The following MYOM1 variants were observed in gnomAD, a reference collection of about 807,000 sequenced individuals.
The protein encoded by MYOM1 is myomesin 1, also known as myomesin-1.
MYOM1 carries 164 observed loss-of-function variants against 205.3 expected under a neutral mutation model. The ratio of observed to expected loss-of-function variants is 0.80; its 90% confidence interval spans 0.70 to 0.91. MYOM1 has a LOEUF of 0.91. MYOM1 is among the 40% of genes least tolerant of loss of function. The pLI, the probability that MYOM1 is intolerant of heterozygous loss-of-function variation, is 0.00. For missense variants in MYOM1, 2,011 were observed against 2,127.3 expected (o/e 0.95, Z 1.08); for synonymous variants, 772 against 789.4 (o/e 0.98, Z 0.37).
chr18:3,228,233 G>A, the MYOM1 span, among the ~76,000 whole-genome samples: 488 of 152,334 alleles, frequency 3.2e-3, 3 homozygotes, highest in African/African-American at 0.011. The surrounding 1 kb of genome is among the most constrained non-coding windows in gnomAD (Gnocchi z 4.5). Flanking sequence ...TGACTTTAGA[G>A]CACCTGAATA....
intron 36 of MYOM1, among the ~76,000 whole-genome samples, chr18:3,073,062 C>T (rs2078979739): frequency 6.7e-6 from 1 of 149,882 alleles, no homozygotes; most frequent in South Asian, 2.1e-4. Flanking sequence ...ATCATCCTGC[C>T]TTGGCTTCCC....
At chr18:3,069,215 C>T (rs1312676863) in intron 37 of MYOM1, among the ~76,000 whole-genome samples, 1 of 152,196 alleles carries the variant, frequency 6.6e-6, no homozygotes, top group African/African-American at 2.4e-5. Context: ...TACACCAGCC[C>T]ACCCAGCTAC....
chr18:3,101,158 G>A (rs1017881893), intron 23 of MYOM1, among the ~76,000 whole-genome samples: 1 of 152,126 alleles, frequency 6.6e-6, no homozygotes, highest in Non-Finnish European at 1.5e-5. Context: ...CAGCATGGTG[G>A]CAGAAAAACA....
chr18:3,183,418 T>C (rs762422596), intron 5 of MYOM1, among the ~76,000 whole-genome samples: 8 of 152,088 alleles, frequency 5.3e-5, no homozygotes, highest in Non-Finnish European at 8.8e-5. Flanking sequence ...TAATGTGGGA[T>C]TGGTTGGAGA....
chr18:3,214,833 C>A (rs2081238311), intron 2 of MYOM1, 101 bp downstream of exon 2: 1 of 1,380,370 alleles, frequency 7.2e-7, no homozygotes, highest in South Asian at 1.5e-5. Context: ...TCTCAAAAAA[C>A]CAAAACCGAA....
chr18:3,071,693 C>T (rs1479102958), intron 37 of MYOM1, 141 bp downstream of exon 37: 11 of 807,014 alleles, frequency 1.4e-5, no homozygotes, highest in East Asian at 2.7e-5. Context: ...TGTTTGGTTA[C>T]TCTGGTCAAG....
chr18:3,101,989 A>ATTTT (rs35882298), intron 23 of MYOM1, among the ~76,000 whole-genome samples: 15 of 55,848 alleles, frequency 2.7e-4, no homozygotes, highest in African/African-American at 7.5e-4. Context: ...TCAGTCTGGG[A>ATTTT]TTTTTTTTTT....
chr18:3,077,821 T>C (rs1474450023), intron 34 of MYOM1, among the ~76,000 whole-genome samples: 1 of 152,206 alleles, frequency 6.6e-6, no homozygotes, highest in Non-Finnish European at 1.5e-5. Context: ...GCACTTGTGA[T>C]GCAGGCAAAG....
At chr18:3,121,282 GC>G (rs957099648) in intron 19 of MYOM1, among the ~76,000 whole-genome samples, 1 of 152,110 alleles carries the variant, frequency 6.6e-6, no homozygotes, top group Admixed American at 6.5e-5. Flanking sequence ...AAAATCCTCT[GC>G]CCCCTAAAAT....
chr18:3,100,319 C>T lies in MYOM1; in HGVS notation c.3682+1G>A, dbSNP rs769418179. The T allele has an allele frequency of 3.7e-6, 6 of 1,613,392 alleles. No homozygotes were observed. Among genetic ancestry groups the T allele is most frequent in the Non-Finnish European group, 5.1e-6 (6 of 1,179,490 alleles). ...TGTGAATGCACTGATTTTAAACTTA[C>T]CTTCCTCATCTATTAAGTAGCTTGA... On this transcript the variant is annotated splice_donor_variant, in intron 24 of 37. Coordinates refer to ENST00000356443, the MANE Select transcript of MYOM1 (RefSeq NM_003803.4). LOFTEE classifies it high-confidence loss of function.
intron 34 of MYOM1, among the ~76,000 whole-genome samples, chr18:3,078,057 T>C (rs1254424758): frequency 1.3e-5 from 2 of 152,108 alleles, no homozygotes; most frequent in Non-Finnish European, 2.9e-5. Flanking sequence ...TTTTTTTTTT[T>C]TTGAGACAGA....
chr18:3,188,691 A>C lies in MYOM1; in HGVS notation c.771+57T>G, dbSNP rs1003581527. 317 of 1,329,678 alleles carry C rather than the reference A, an allele frequency of 2.4e-4. 1 individual carries two copies. The African/African-American group carries it at 2.8e-3, about 12-fold the overall frequency. The allele number at this position is 1,329,678 out of a possible 1,614,324, so 82.4% of individuals were successfully genotyped here. ...TACACACACACACACACACACACACACCCCTTATGACATGCATTTCCACCT... is the reference window on the plus strand; with the variant it reads ...TACACACACACACACACACACACACCCCCCTTATGACATGCATTTCCACCT... On this transcript the variant is annotated intron_variant, in intron 4 of 37. Coordinates refer to ENST00000356443, the MANE Select transcript of MYOM1 (RefSeq NM_003803.4).
At chr18:3,134,925 A>C in intron 15 of MYOM1, 101 bp from the exon 16 acceptor site, 1 of 1,165,568 alleles carries the variant, frequency 8.6e-7, no homozygotes, top group Non-Finnish European at 1.2e-6. Context: ...ACACTTCGTC[A>C]TGTCAAAAGA....
At chr18:3,125,592 C>A (rs1049462914) in intron 19 of MYOM1, among the ~76,000 whole-genome samples, 2 of 149,934 alleles carry the variant, frequency 1.3e-5, no homozygotes, top group Non-Finnish European at 3.0e-5. Flanking sequence ...CTTTGTTTTA[C>A]GCATTCTCAG....
intron 36 of MYOM1, among the ~76,000 whole-genome samples, chr18:3,073,807 T>G (rs989448316): frequency 6.6e-6 from 1 of 152,192 alleles, no homozygotes; most frequent in African/African-American, 2.4e-5. Context: ...CCTCTTCAGC[T>G]CATCCACGGT....
At chr18:3,228,853 A>G in the MYOM1 span, among the ~76,000 whole-genome samples, 4 of 152,170 alleles carry the variant, frequency 2.6e-5, no homozygotes, top group East Asian at 7.7e-4. This position sits in a 1 kb window ranked among gnomAD's most constrained non-coding sequence, Gnocchi z 4.5. Flanking sequence ...ATCCTACCAT[A>G]TGTAGTCATT....
Position 3,159,372 on chromosome 18 carries a change from AACAAT to A in MYOM1, c.1502-4289_1502-4285del, listed in dbSNP as rs918844557. On this transcript the variant is annotated intron_variant, in intron 10 of 37. Transcript: ENST00000356443. Reference sequence around the variant, plus strand: ...AGCTGTAAGAATATCAGAGCTCCAAAACAATGCCCTGAAGTGACCTCGTGCAGCTC... The same window carrying A: ...AGCTGTAAGAATATCAGAGCTCCAAAGCCCTGAAGTGACCTCGTGCAGCTC... Among the ~76,000 whole-genome samples the A allele has an allele frequency of 9.8e-5, 15 of 152,370 alleles. No homozygotes were observed. The East Asian group carries it at 1.9e-3, about 20-fold the overall frequency.
At chr18:3,215,646 G>C (rs2081255989) in intron 1 of MYOM1, among the ~76,000 whole-genome samples, 1 of 151,986 alleles carries the variant, frequency 6.6e-6, no homozygotes, top group Non-Finnish European at 1.5e-5. Flanking sequence ...TTTCCGAAGA[G>C]TAAACCAAAA....
the MYOM1 span, among the ~76,000 whole-genome samples, chr18:3,229,283 C>G: frequency 5.3e-5 from 8 of 151,884 alleles, no homozygotes; most frequent in Non-Finnish European, 8.8e-5. Context: ...GTACTCAGGC[C>G]TAGGCCATAT....
Sources: allele counts gnomAD v4.1 joint callset (sites outside exome capture counted in the v4.1 genomes callset), GRCh38; gene constraint gnomAD v4.1.1; non-coding constraint Gnocchi (gnomAD v3.1); transcripts MANE v1.5; gene names NCBI Gene and HGNC (gene_info 2026-07-23, HGNC 2026-07-21).